Variants in LMBRD1 observed in about 807,000 individuals in gnomAD.
LMBRD1 encodes LMBR1 domain containing 1.
A neutral mutation model predicts 74.8 loss-of-function variants in LMBRD1; 64 were observed. The ratio of observed to expected loss-of-function variants is 0.86; its 90% CI spans 0.70 to 1.05. LMBRD1 has a LOEUF of 1.05. LMBRD1 is among the 50% of genes least tolerant of loss of function. LMBRD1 has a pLI of 0.00. For missense variants in LMBRD1, 652 were observed against 645.9 expected (o/e 1.01, Z -0.10); for synonymous variants, 204 against 216.3 (o/e 0.94, Z 0.50).
intron 3 of LMBRD1, among the ~76,000 whole-genome samples, chr6:69,754,623 TAGGGC>T (rs1396138625): frequency 6.6e-6 from 1 of 152,238 alleles, no homozygotes; most frequent in African/African-American, 2.4e-5. Context: ...ATAAATCTTT[TAGGGC>T]AATGAATATT....
intron 9 of LMBRD1, among the ~76,000 whole-genome samples, chr6:69,708,198 G>A (rs1766304412): frequency 1.3e-5 from 2 of 152,064 alleles, no homozygotes; most frequent in South Asian, 4.1e-4. Flanking sequence ...TCAGACTGTA[G>A]GCTTAGAAAT....
chr6:69,773,618 C>A (rs576592984), intron 3 of LMBRD1, among the ~76,000 whole-genome samples: 74 of 152,230 alleles, frequency 4.9e-4, no homozygotes, highest in African/African-American at 1.7e-3. Context: ...TATGTGTATA[C>A]TTTGACTCAC....
At chr6:69,763,924 A>C (rs974707343) in intron 3 of LMBRD1, among the ~76,000 whole-genome samples, 7 of 152,168 alleles carry the variant, frequency 4.6e-5, no homozygotes, top group Admixed American at 2.6e-4. Context: ...CAAATAACTT[A>C]TCTGGTTTTA....
chr6:69,771,271 C>T (rs756397861), intron 3 of LMBRD1, among the ~76,000 whole-genome samples: 6 of 152,168 alleles, frequency 3.9e-5, no homozygotes, highest in Admixed American at 6.5e-5. Context: ...TCACTCACTG[C>T]GTTTTTGGCA....
chr6:69,774,737 G>A (rs1337961478), intron 3 of LMBRD1, among the ~76,000 whole-genome samples: 1 of 151,892 alleles, frequency 6.6e-6, no homozygotes, highest in African/African-American at 2.4e-5. Context: ...CTGCATAGCA[G>A]GTCTAAATAC....
chr6:69,686,492 A>C (rs1181222112), intron 14 of LMBRD1, among the ~76,000 whole-genome samples: 1 of 152,212 alleles, frequency 6.6e-6, no homozygotes, highest in Non-Finnish European at 1.5e-5. Flanking sequence ...TATAACCTTA[A>C]TAGGTACACA....
Position 69,701,513 on chromosome 6 carries a change from T to G in LMBRD1, c.1013A>C (p.Asp338Ala). Residue 338 changes from aspartate to alanine, a missense_variant, in exon 11 of 16, where the codon GAT (aspartate) becomes GCT (alanine). By Grantham distance (126) the Asp-to-Ala change is moderately radical (BLOSUM62 -2). Coordinates refer to ENST00000649934, the MANE Select transcript of LMBRD1 (RefSeq NM_018368.4). ...AGCTCCAAAAATTATGAAACCAGAA[T>G]CTATTCCAGCTGAATGAAGAGCTTT... ...LDKALHSAGIDSGFIIFGANL... is the reference protein window; with the variant it reads ...LDKALHSAGIASGFIIFGANL... The G allele has an allele frequency of 6.2e-7, 1 of 1,607,052 alleles. No homozygotes were observed. The highest frequency in any genetic ancestry group is 2.2e-5 in the East Asian group (1 of 44,594).
intron 8 of LMBRD1, among the ~76,000 whole-genome samples, chr6:69,717,495 A>T (rs1478348625): frequency 1.3e-5 from 2 of 151,998 alleles, no homozygotes; most frequent in South Asian, 2.1e-4. Context: ...AAGACTTTTT[A>T]AAAAAATGTA....
intron 5 of LMBRD1, among the ~76,000 whole-genome samples, chr6:69,745,300 G>T (rs891656432): frequency 1.4e-5 from 2 of 143,526 alleles, no homozygotes; most frequent in African/African-American, 5.2e-5. Flanking sequence ...CGCCCAGGTC[G>T]GACTGCGGAC....
chr6:69,738,327 G>A (rs1767019399), intron 6 of LMBRD1, among the ~76,000 whole-genome samples: 1 of 151,952 alleles, frequency 6.6e-6, no homozygotes, highest in Non-Finnish European at 1.5e-5. Flanking sequence ...ATGCTCAAAA[G>A]GTGATTAAAA....
chr6:69,764,406 A>C (rs186625598), intron 3 of LMBRD1, among the ~76,000 whole-genome samples: 1 of 152,162 alleles, frequency 6.6e-6, no homozygotes, highest in East Asian at 1.9e-4. Flanking sequence ...TAAGCATGGA[A>C]GAAGGCCTTC....
intron 9 of LMBRD1, among the ~76,000 whole-genome samples, chr6:69,704,804 ATC>A (rs1189264061): frequency 1.3e-5 from 2 of 151,892 alleles, no homozygotes; most frequent in Non-Finnish European, 2.9e-5. Context: ...GTTGTAATTC[ATC>A]TGTTTTTCTT....
At chr6:69,723,729 C>T (rs1469089969) in intron 7 of LMBRD1, among the ~76,000 whole-genome samples, 1 of 151,246 alleles carries the variant, frequency 6.6e-6, no homozygotes, top group African/African-American at 2.4e-5. Flanking sequence ...AGAAAAACTT[C>T]AAACAAATAC....
intron 2 of LMBRD1, among the ~76,000 whole-genome samples, chr6:69,786,503 T>C (rs1197009369): frequency 1.3e-5 from 2 of 152,024 alleles, no homozygotes; most frequent in African/African-American, 4.8e-5. Flanking sequence ...TTTTTACTAT[T>C]GGATCAGTAT....
Position 69,700,804 on chromosome 6 carries a change from T to C in LMBRD1, c.1149A>G (p.Ala383=). 6.6e-7 allele frequency: 1 copy of C among 1,519,700 alleles called. No individual in the cohort carries two copies. The allele number at this position is 1,519,700 out of a possible 1,614,324, so 94.1% of individuals were successfully genotyped here. A position where few individuals can be genotyped will look rare whatever the true frequency, so the allele number is the denominator to read the frequency against. ...ACCATATGCCAATATTTCGAATTCC[T>C]GCCATTGAAGTAAAAATAAAGTACA... ...IIMYFIFTSM[A]GIRNIGIWFF... is the part of the protein sequence containing the mutation. The change falls in exon 12 of 16, where the codon GCA becomes GCG. Residue 383 remains alanine, a synonymous_variant. Transcript: ENST00000649934.
intron 14 of LMBRD1, among the ~76,000 whole-genome samples, chr6:69,682,544 T>G (rs1765685267): frequency 6.6e-6 from 1 of 151,916 alleles, no homozygotes; most frequent in South Asian, 2.1e-4. Context: ...TAACACTCAT[T>G]AAAAGGGAGT....
chr6:69,691,047 C>T (rs1331086773), intron 14 of LMBRD1, among the ~76,000 whole-genome samples: 1 of 151,940 alleles, frequency 6.6e-6, no homozygotes, highest in Non-Finnish European at 1.5e-5. Context: ...TTTAGCCTTT[C>T]TACCTTTGTT....
intron 14 of LMBRD1, among the ~76,000 whole-genome samples, chr6:69,681,986 T>C (rs2149835027): frequency 6.6e-6 from 1 of 151,868 alleles, no homozygotes; most frequent in East Asian, 1.9e-4. Flanking sequence ...ACTATACAAC[T>C]GGAAAAAATG....
chr6:69,767,086 C>G (rs1406785557), intron 3 of LMBRD1, among the ~76,000 whole-genome samples: 2 of 151,306 alleles, frequency 1.3e-5, no homozygotes, highest in East Asian at 3.9e-4. Flanking sequence ...AATTTATATC[C>G]TTTTTCTCTC....
Sources: gnomAD v4.1 joint callset for allele counts (sites outside exome capture counted in the v4.1 genomes callset) on GRCh38, gnomAD v4.1.1 for gene constraint, MANE v1.5 for transcripts, NCBI Gene and HGNC (gene_info 2026-07-23, HGNC 2026-07-21) for gene names.